The following DGLUCY variants were observed in gnomAD, a reference collection of about 807,000 sequenced individuals.
DGLUCY encodes the protein D-glutamate cyclase, also known as D-glutamate cyclase, mitochondrial.
In DGLUCY, 58 loss-of-function variants were observed where a neutral mutation model predicts 58.5. The observed-to-expected ratio is 0.99, with a 90% CI of 0.80 to 1.23. DGLUCY has a LOEUF of 1.23. DGLUCY is among the 50% of genes most tolerant of loss of function. DGLUCY has a pLI of 0.00. For synonymous variants in DGLUCY, 325 were observed against 314.1 expected, an observed-to-expected ratio of 1.03 and a Z score of -0.37; for missense variants, 779 against 784.7, an observed-to-expected ratio of 0.99 and a Z score of 0.09.
At chr14:91,134,228 A>G (rs1018988523) in intron 1 of DGLUCY, among the ~76,000 whole-genome samples, 9 of 152,202 alleles carry the variant, frequency 5.9e-5, no homozygotes, top group African/African-American at 2.2e-4. Flanking sequence ...ATTGCCTAGA[A>G]TATACAATTT....
intron 7 of DGLUCY, among the ~76,000 whole-genome samples, 159 bp from the exon 8 acceptor site, chr14:91,181,027 A>G (rs2049138533): frequency 1.3e-5 from 2 of 152,308 alleles, no homozygotes; most frequent in South Asian, 4.1e-4. Context: ...TGTAGCTATA[A>G]ACCAGCTTAT....
At chr14:91,217,285 C>T (rs8020943) in intron 13 of DGLUCY, among the ~76,000 whole-genome samples, 37,507 of 150,508 alleles carry the variant, frequency 0.25, 5,170 homozygotes, top group African/African-American at 0.37. Flanking sequence ...GAGGTGGGTG[C>T]CGAAGGTTGT....
In DGLUCY at chr14:91,215,552, T is replaced by TTAAGGTAACAAACCCA. The variant is rs750337406; in HGVS notation, c.1716+11_1716+12insATAAGGTAACAAACCC. The TTAAGGTAACAAACCCA allele has an allele frequency of 6.2e-7, 1 of 1,613,668 alleles. No individual in the cohort carries two copies. Among genetic ancestry groups the TTAAGGTAACAAACCCA allele is most frequent in the South Asian group, 1.1e-5 (1 of 91,074 alleles). ...TGGACTCAGGCCCTCCCGTCGGTCA[T>TTAAGGTAACAAACCCA]TAAGGTAACAAACCCCAGCCAGCCG... On this transcript the variant is annotated frameshift_variant, in exon 13 of 14. Transcript: ENST00000256324. LOFTEE classifies it low-confidence loss of function (END_TRUNC).
In DGLUCY at chr14:91,196,493, A is replaced by G; in HGVS notation, c.1295+19A>G. ...CACCTAGGTACGTATGTCGCATCCC[A>G]GTTTAAGTGGCGGATGGTGGAAACG... On this transcript the variant is annotated intron_variant, in intron 10 of 13. Transcript: ENST00000256324. 1 of 1,602,242 alleles carries G rather than the reference A, an allele frequency of 6.2e-7. No individual in the cohort carries two copies. The highest frequency in any genetic ancestry group is 8.5e-7 in the Non-Finnish European group (1 of 1,169,708).
chr14:91,068,056 C>T (rs1245446733), intron 1 of DGLUCY, among the ~76,000 whole-genome samples: 3 of 144,082 alleles, frequency 2.1e-5, no homozygotes, highest in Non-Finnish European at 4.5e-5. Flanking sequence ...TGTACTGGCG[C>T]GTGCACACAC....
chr14:91,217,910 C>T lies in DGLUCY; in HGVS notation c.1716+2354C>T, dbSNP rs144142372. On this transcript the variant is annotated intron_variant, in intron 13 of 13. Coordinates refer to ENST00000256324, the MANE Select transcript of DGLUCY (RefSeq NM_001102368.3). Reference sequence around the variant, plus strand: ...CCTGCCCCTGGCCTCTGTTTCTCTCCAGCACCTGCCTGGATTGGTGGTGTC... The same window carrying T: ...CCTGCCCCTGGCCTCTGTTTCTCTCTAGCACCTGCCTGGATTGGTGGTGTC... 1.3e-3 allele frequency among the ~76,000 whole-genome samples: 201 copies of T among 152,262 alleles called. 1 individual carries two copies. Among genetic ancestry groups the T allele is most frequent in the African/African-American group, 4.7e-3 (197 of 41,532 alleles).
chr14:91,225,495 C>A lies in DGLUCY; in HGVS notation c.*662C>A, dbSNP rs1364822905. ...CCAGTCACCCAGCAGGTGATCAGATCGACTGTCATGGTATTGCAGTGCTTA... is the reference window on the plus strand; with the variant it reads ...CCAGTCACCCAGCAGGTGATCAGATAGACTGTCATGGTATTGCAGTGCTTA... On this transcript the variant is annotated 3_prime_UTR_variant, in exon 14 of 14. Transcript: ENST00000256324. 6.6e-6 allele frequency: 1 copy of A among 152,194 alleles called. No homozygotes were observed. Among genetic ancestry groups the A allele is most frequent in the Non-Finnish European group, 1.5e-5 (1 of 68,060 alleles). 9.4% of individuals were successfully genotyped at this position (152,194 alleles called of 1,614,324 possible). A position where few individuals can be genotyped will look rare whatever the true frequency, so the allele number is the denominator to read the frequency against.
intron 9 of DGLUCY, among the ~76,000 whole-genome samples, chr14:91,191,235 G>A (rs1160339444): frequency 3.9e-5 from 6 of 152,122 alleles, no homozygotes; most frequent in Admixed American, 2.0e-4. Context: ...CGCATATGAC[G>A]TGCCTAGAGT....
At position 91,102,757 on chromosome 14, in the gene DGLUCY, G is replaced by GTGTGTGTA. The variant is rs1222213925; in HGVS notation, c.-82+42060_-82+42061insATGTGTGT. The stretch of plus-strand genomic sequence containing the variant: ...TTCCAGTGTGTATGTGTGTGTGTGT[G>GTGTGTGTA]TGTGTGTGTGTGTGTGTGTGTGTGT... On this transcript the variant is annotated intron_variant, in intron 1 of 4. Coordinates refer to the DGLUCY transcript ENST00000521334. Among the ~76,000 whole-genome samples, 154 of 150,116 alleles carry GTGTGTGTA rather than the reference G, an allele frequency of 1.0e-3. 1 individual carries two copies. The highest frequency in any genetic ancestry group is 3.6e-3 in the African/African-American group (145 of 40,822).
intron 1 of DGLUCY, among the ~76,000 whole-genome samples, chr14:91,085,563 G>GTTTT (rs869263434): frequency 2.9e-4 from 36 of 125,676 alleles, no homozygotes; most frequent in African/African-American, 1.1e-3. Flanking sequence ...TTTTTTTTTT[G>GTTTT]TTTTTTTTTT....
intron 1 of DGLUCY, among the ~76,000 whole-genome samples, chr14:91,115,941 C>A (rs1300118754): frequency 1.3e-5 from 2 of 152,186 alleles, no homozygotes; most frequent in East Asian, 3.8e-4. Context: ...ATTCCTTGAC[C>A]CACCCCAAAA....
At chr14:91,223,352 C>T (rs1223541140) in intron 13 of DGLUCY, among the ~76,000 whole-genome samples, 1 of 152,142 alleles carries the variant, frequency 6.6e-6, no homozygotes, top group African/African-American at 2.4e-5. Flanking sequence ...TGAGCAAATG[C>T]CTGAGCAGGG....
intron 12 of DGLUCY, among the ~76,000 whole-genome samples, chr14:91,205,277 T>G (rs1884362414): frequency 6.6e-6 from 1 of 152,194 alleles, no homozygotes; most frequent in Non-Finnish European, 1.5e-5. Context: ...ATCTGGTAAG[T>G]GTTTGGAGGA....
At chr14:91,180,281 A>G (rs961373450) in intron 7 of DGLUCY, among the ~76,000 whole-genome samples, 29 of 152,036 alleles carry the variant, frequency 1.9e-4, no homozygotes, top group Non-Finnish European at 3.7e-4. Context: ...GGTTTAAAGA[A>G]TAAAGTCGGG....
At chr14:91,095,374 C>T (rs2044377497) in intron 1 of DGLUCY, among the ~76,000 whole-genome samples, 1 of 152,188 alleles carries the variant, frequency 6.6e-6, no homozygotes, top group Non-Finnish European at 1.5e-5. Flanking sequence ...TCTGCCTGTG[C>T]CCTGTCCTTG....
chr14:91,095,192 T>A (rs998977206), intron 1 of DGLUCY, among the ~76,000 whole-genome samples: 12 of 152,186 alleles, frequency 7.9e-5, no homozygotes, highest in Non-Finnish European at 1.3e-4. Context: ...TCCTCGGCGG[T>A]CCTGCCTTCT....
intron 2 of DGLUCY, among the ~76,000 whole-genome samples, chr14:91,159,909 G>A (rs577541184): frequency 6.6e-6 from 1 of 152,314 alleles, no homozygotes; most frequent in South Asian, 2.1e-4. Context: ...GGGAGAGAAG[G>A]GAGTTCAGAG....
intron 1 of DGLUCY, among the ~76,000 whole-genome samples, chr14:91,081,127 C>T (rs1015894856): frequency 1.3e-4 from 20 of 151,720 alleles, no homozygotes; most frequent in African/African-American, 1.9e-4. Flanking sequence ...GGTGTGAACC[C>T]GGGAGGCGGA....
chr14:91,084,069 G>A (rs567124361), intron 1 of DGLUCY, among the ~76,000 whole-genome samples: 3 of 152,196 alleles, frequency 2.0e-5, no homozygotes, highest in South Asian at 4.1e-4. Context: ...CATAGTTTCC[G>A]GCACACAGTA....
Sources: gnomAD v4.1 joint callset for allele counts (sites outside exome capture counted in the v4.1 genomes callset) on GRCh38, gnomAD v4.1.1 for gene constraint, MANE v1.5 for transcripts, NCBI Gene and HGNC (gene_info 2026-07-23, HGNC 2026-07-21) for gene names.